RALGDS: variants seen among roughly 807,000 people sequenced by gnomAD.
RALGDS encodes the protein ral guanine nucleotide dissociation stimulator, also known as ral guanine nucleotide exchange factor.
A neutral mutation model predicts 99.8 loss-of-function variants in RALGDS; 44 were observed. The observed-to-expected ratio is 0.44, with a 90% CI of 0.35 to 0.57. The LOEUF (loss-of-function observed/expected upper bound fraction) is 0.57. Ranked by LOEUF, RALGDS falls within the 20% of genes least tolerant of loss-of-function variation. RALGDS has a pLI of 0.01. For synonymous variants in RALGDS, 529 were observed against 505.0 expected, an observed-to-expected ratio of 1.05 and a Z score of -0.64; for missense variants, 1,022 against 1,203.1, an observed-to-expected ratio of 0.85 and a Z score of 2.23.
At position 133,140,797 on chromosome 9, in the gene RALGDS, G is replaced by A. The variant is rs150494001; in HGVS notation, c.18+8166C>T. 5.6e-3 allele frequency among the ~76,000 whole-genome samples: 850 copies of A among 152,244 alleles called. 13 individuals carry two copies. Among genetic ancestry groups the A allele is most frequent in the African/African-American group, 0.017 (719 of 41,550 alleles). On this transcript the variant is annotated intron_variant, in intron 1 of 17. Coordinates refer to the RALGDS transcript ENST00000393160. ...TTCCTTGGTGCTGGGCTGGGGGCTC[G>A]CCTCATCCGCCCGCCTTCTTGGCGT...
intron 1 of RALGDS, among the ~76,000 whole-genome samples, chr9:133,126,526 G>C (rs764448174): frequency 1.3e-5 from 2 of 152,224 alleles, no homozygotes; most frequent in Non-Finnish European, 2.9e-5. Context: ...GTTCCCAAGT[G>C]CCGCCGGAAG....
At chr9:133,145,992 C>G (rs184952823) in intron 1 of RALGDS, among the ~76,000 whole-genome samples, 19 of 152,272 alleles carry the variant, frequency 1.2e-4, no homozygotes, top group African/African-American at 4.3e-4. Context: ...AGACACAGCC[C>G]GGAATACAAG....
intron 1 of RALGDS, among the ~76,000 whole-genome samples, chr9:133,143,151 C>A (rs1036462554): frequency 1.3e-5 from 2 of 152,236 alleles, no homozygotes; most frequent in African/African-American, 4.8e-5. Flanking sequence ...AGTCCTGTGG[C>A]TAGCGTGCAA....
intron 1 of RALGDS, among the ~76,000 whole-genome samples, chr9:133,136,214 G>C (rs1023300607): frequency 5.3e-5 from 8 of 152,232 alleles, no homozygotes; most frequent in African/African-American, 1.9e-4. Context: ...AAATAAGAAT[G>C]CTCCAGAAGG....
At chr9:133,131,476 C>G (rs1832332319), upstream of RALGDS, among the ~76,000 whole-genome samples, 1 of 152,126 alleles carries the variant, frequency 6.6e-6, no homozygotes, top group Admixed American at 6.5e-5. Context: ...CCTACTAACT[C>G]CAGCTGCCAG....
At chr9:133,102,172 C>G (rs186197520) in intron 14 of RALGDS, 33 bp from the exon 15 acceptor site, 1 of 1,546,714 alleles carries the variant, frequency 6.5e-7, no homozygotes, top group Non-Finnish European at 8.8e-7. Context: ...TAAGGGGGCT[C>G]CCCAAGGACA....
intron 1 of RALGDS, among the ~76,000 whole-genome samples, chr9:133,127,760 G>A (rs1832208577): frequency 6.6e-6 from 1 of 152,230 alleles, no homozygotes; most frequent in African/African-American, 2.4e-5. Flanking sequence ...CCACAGGCGA[G>A]AGGCTGAACT....
chr9:133,112,108 G>T lies in RALGDS; in HGVS notation c.228C>A (p.Ile76=), dbSNP rs938249123. ...EIGEELINGV[I]YSISLRKVQL... ...GCACCTTGCGCAGGGAGATGGAGTA[G>T]ATGACTCCGTTGATCAGCTCCTCAC... The change falls in exon 2 of 18, where the codon ATC becomes ATA. Residue 76 remains isoleucine, a synonymous_variant. Coordinates refer to ENST00000372050, the MANE Select transcript of RALGDS (RefSeq NM_006266.4). 1 of 1,584,228 alleles carries T rather than the reference G, an allele frequency of 6.3e-7. No homozygotes were observed. Among genetic ancestry groups the T allele is most frequent in the Non-Finnish European group, 8.6e-7 (1 of 1,164,308 alleles).
intron 1 of RALGDS, among the ~76,000 whole-genome samples, chr9:133,126,520 C>T (rs2119236345): frequency 6.6e-6 from 1 of 152,344 alleles, no homozygotes; most frequent in African/African-American, 2.4e-5. Context: ...GTCTGTGTTC[C>T]CAAGTGCCGC....
At chr9:133,106,085 T>C (rs925492502) in intron 8 of RALGDS, 69 bp from the exon 9 acceptor site, 22 of 1,260,870 alleles carry the variant, frequency 1.7e-5, no homozygotes, top group Non-Finnish European at 2.4e-5. Flanking sequence ...GCAAATCCGT[T>C]TTATTTTAGA....
intron 1 of RALGDS, among the ~76,000 whole-genome samples, chr9:133,115,198 T>G (rs1206798643): frequency 6.6e-6 from 1 of 152,178 alleles, no homozygotes; most frequent in East Asian, 1.9e-4. Context: ...GCATCAGCCT[T>G]CTGGTGCAGC....
chr9:133,107,484 C>T lies in RALGDS; in HGVS notation c.1198-184G>A, dbSNP rs144896845. 3.9e-3 allele frequency among the ~76,000 whole-genome samples: 593 copies of T among 152,324 alleles called. 6 individuals carry two copies. The highest frequency in any genetic ancestry group is 0.014 in the African/African-American group (571 of 41,564). On this transcript the variant is annotated intron_variant, in intron 6 of 17. Transcript: ENST00000372050. ...TGGGAAGAAGAGGAGCACCGCCTCG[C>T]GCAGCCTCACCAAGCCCCAGCTCCA...
chr9:133,115,963 C>T lies in RALGDS; in HGVS notation c.184-3811G>A, dbSNP rs548836410. 7.2e-5 allele frequency among the ~76,000 whole-genome samples: 11 copies of T among 152,368 alleles called. No homozygotes were observed. In the East Asian group the frequency reaches 1.5e-3, roughly 21 times the overall value. ...CAGAGCCCAGGCTCCTGCGACAGTG[C>T]GGGGCCCACGCTGCTGTGCCCTTCT... On this transcript the variant is annotated intron_variant, in intron 1 of 17. Transcript: ENST00000372050.
At position 133,102,877 on chromosome 9, in the gene RALGDS, G is replaced by A; in HGVS notation, c.1815C>T (p.Ile605=). ...RRKEFEVIAQ[I]KLLQSACNNY... ...TGTTGCAGGCCGACTGCAGCAGCTT[G>A]ATCTGGGCGATCACCTCGAACTCCT... Residue 605 remains isoleucine (I), a synonymous_variant, in exon 13 of 18, where the codon ATC becomes ATT. Coordinates refer to ENST00000372050, the MANE Select transcript of RALGDS (RefSeq NM_006266.4). 6.2e-7 allele frequency: 1 copy of A among 1,613,450 alleles called. No individual in the cohort carries two copies.
chr9:133,120,922 G>C, intron 1 of RALGDS, 50 bp downstream of exon 1: 1 of 1,455,460 alleles, frequency 6.9e-7, no homozygotes, highest in Non-Finnish European at 9.0e-7. Context: ...CTCTGCCGCG[G>C]GTGGGGAGGC....
upstream of RALGDS, among the ~76,000 whole-genome samples, chr9:133,123,466 C>A (rs1172597049): frequency 6.6e-6 from 1 of 152,202 alleles, no homozygotes; most frequent in African/African-American, 2.4e-5. Context: ...GTAAAGAATT[C>A]ATCACACTAA....
At chr9:133,148,856 G>A (rs1194233091) in intron 1 of RALGDS, 24 of 1,404,164 alleles carry the variant, frequency 1.7e-5, no homozygotes, top group Non-Finnish European at 2.1e-5. Context: ...GTAAGCGCAC[G>A]CTCAGCGTGG....
At chr9:133,131,264 A>T, upstream of RALGDS, 53 of 57,542 alleles carry the variant, frequency 9.2e-4, no homozygotes, top group Non-Finnish European at 1.0e-3. Context: ...CTCTCAGGGG[A>T]TGTGGGTGGG....
rs1278504659 is a variant in RALGDS, at chr9:133,108,415, G to C, written c.779-9C>G. ...TGGCACTGGTGACAGAGCTGCAAGA[G>C]GAGAAAAGTTCAACAACATGCCAGC... On this transcript the variant is annotated splice_polypyrimidine_tract_variant and intron_variant, in intron 5 of 17. Transcript: ENST00000372050. The C allele has an allele frequency of 2.0e-6, 3 of 1,535,294 alleles. No homozygotes were observed. Among genetic ancestry groups the C allele is most frequent in the South Asian group, 1.2e-5 (1 of 83,868 alleles).
Sources: allele counts gnomAD v4.1 joint callset (sites outside exome capture counted in the v4.1 genomes callset), GRCh38; gene constraint gnomAD v4.1.1; transcripts MANE v1.5; gene names NCBI Gene and HGNC (gene_info 2026-07-23, HGNC 2026-07-21).